Variants in ZNF280B observed in about 807,000 individuals in gnomAD.
ZNF280B encodes the protein suppressor of hairy wing homolog 2.
ZNF280B carries 16 observed loss-of-function variants against 38.0 expected under a neutral mutation model. The observed-to-expected ratio is 0.42, with a 90% confidence interval of 0.28 to 0.64. The LOEUF is 0.64. ZNF280B is among the 30% of genes least tolerant of loss of function. The pLI is 0.21. For synonymous variants in ZNF280B, 253 were observed against 230.6 expected, an observed-to-expected ratio of 1.10 and a Z score of -0.88; for missense variants, 581 against 639.6, an observed-to-expected ratio of 0.91 and a Z score of 0.99.
In ZNF280B at chr22:22,486,425, T is replaced by C. The variant is rs1443136229; in HGVS notation, c.*1342A>G. ...ACACCACTTGTTTGGCCCTTTTCAG[T>C]TAAAACTATGGGTCCAGTACAGTTC... On this transcript the variant is annotated 3_prime_UTR_variant, in exon 4 of 4. Transcript: ENST00000626650. The C allele has an allele frequency of 6.6e-6, 1 of 151,530 alleles. No individual in the cohort carries two copies. Among genetic ancestry groups the C allele is most frequent in the Non-Finnish European group, 1.5e-5 (1 of 68,028 alleles). The allele number at this position is 151,530 out of a possible 1,614,324, so 9.4% of individuals were successfully genotyped here. A position where few individuals can be genotyped will look rare whatever the true frequency, so the allele number is the denominator to read the frequency against.
Position 22,501,028 on chromosome 22 carries a change from A to ACAAAAC in ZNF280B, c.-187+6781_-187+6782insGTTTTG, listed in dbSNP as rs1349872518. Among the ~76,000 whole-genome samples, 8 of 110,426 alleles carry ACAAAAC rather than the reference A, an allele frequency of 7.2e-5. 1 individual carries two copies. The highest frequency in any genetic ancestry group is 1.2e-4 in the African/African-American group (3 of 25,262). 72.4% of individuals were successfully genotyped at this position (110,426 alleles called of 152,430 possible). ...CACCAAGACTCCGTCTCAAAAAAAA[A>ACAAAAC]AAAAAAAAAAAAACAAAAAACCAAA... On this transcript the variant is annotated intron_variant, in intron 2 of 3. Transcript: ENST00000626650.
chr22:22,497,248 A>T (rs1163163219), intron 2 of ZNF280B, among the ~76,000 whole-genome samples: 1 of 112,988 alleles, frequency 8.9e-6, no homozygotes, highest in Non-Finnish European at 1.8e-5. Context: ...AAAAAAAAAA[A>T]GGCCAGGCAC....
rs1009991786 is a variant in ZNF280B, at chr22:22,486,099, GGT to G, written c.*1666_*1667del. 2.0e-5 allele frequency: 3 copies of G among 151,976 alleles called. No individual in the cohort carries two copies. The highest frequency in any genetic ancestry group is 7.2e-5 in the African/African-American group (3 of 41,394). 9.4% of individuals were successfully genotyped at this position (151,976 alleles called of 1,614,324 possible). ...ATTAGAGAGACATTTCTTGCACACT[GGT>G]GTGTGTCAGGTAAGACCCAAACAGC... is the stretch of plus-strand genomic sequence containing the variant. On this transcript the variant is annotated 3_prime_UTR_variant, in exon 4 of 4. Coordinates refer to ENST00000626650, the MANE Select transcript of ZNF280B (RefSeq NM_080764.4).
intron 2 of ZNF280B, among the ~76,000 whole-genome samples, chr22:22,497,356 C>G (rs925084247): frequency 6.7e-6 from 1 of 148,418 alleles, no homozygotes; most frequent in African/African-American, 2.5e-5. Flanking sequence ...CATGGTGAAA[C>G]TCCATCTCTA....
At position 22,488,481 on chromosome 22, in the gene ZNF280B, G is replaced by C; in HGVS notation, c.918C>G (p.Thr306=). ...EGQPEQKTHT[T]FKCLSCVKVL... is the part of the protein sequence containing the mutation. Reference sequence around the variant, plus strand: ...CTTTCACGCAGCTGAGGCATTTAAAGGTGGTGTGAGTCTTCTGTTCCGGCT... The same window carrying C: ...CTTTCACGCAGCTGAGGCATTTAAACGTGGTGTGAGTCTTCTGTTCCGGCT... The change falls in exon 4 of 4, where the codon ACC becomes ACG. Residue 306 remains threonine (T), a synonymous_variant. Coordinates refer to ENST00000626650, the MANE Select transcript of ZNF280B (RefSeq NM_080764.4). 1 of 1,613,882 alleles carries C rather than the reference G, an allele frequency of 6.2e-7. No homozygotes were observed. Among genetic ancestry groups the C allele is most frequent in the Admixed American group, 1.7e-5 (1 of 59,980 alleles).
chr22:22,488,186 A>G lies in ZNF280B; in HGVS notation c.1213T>C (p.Cys405Arg). 1.2e-6 allele frequency: 2 copies of G among 1,613,928 alleles called. No homozygotes were observed. Among genetic ancestry groups the G allele is most frequent in the Non-Finnish European group, 1.7e-6 (2 of 1,179,978 alleles). Residue 405 changes from cysteine to arginine, a missense_variant, in exon 4 of 4, where the codon TGC becomes CGC. Physicochemically the swap from Cys to Arg is radical, Grantham distance 180. Transcript: ENST00000626650. Reference protein sequence around the residue: ...HHKPGEMPYVCQVCHYRSSVF... With the variant: ...HHKPGEMPYVRQVCHYRSSVF... ...GACGATCTATAATGGCAAACCTGGC[A>G]CACATAGGGCATTTCGCCAGGCTTA...
In ZNF280B at chr22:22,488,886, T is replaced by A. The variant is rs752373227; in HGVS notation, c.513A>T (p.Val171=). 1.2e-6 allele frequency: 2 copies of A among 1,613,756 alleles called. No homozygotes were observed. The highest frequency in any genetic ancestry group is 1.7e-6 in the Non-Finnish European group (2 of 1,179,978). The change falls in exon 4 of 4, where the codon GTA becomes GTT. Residue 171 remains valine (V), a synonymous_variant. Coordinates refer to ENST00000626650, the MANE Select transcript of ZNF280B (RefSeq NM_080764.4). ...CTTCGAAAGTGGAAAGTTGCTTTGA[T>A]ACACGAGGACTTTCATTTATACCTC... ...SVGGINESPR[V]SKQLSTFEVN... is the part of the protein sequence containing the mutation.
intron 2 of ZNF280B, 85 bp downstream of exon 2, chr22:22,507,725 T>C (rs2061968511): frequency 1.3e-5 from 2 of 151,874 alleles, no homozygotes; most frequent in South Asian, 4.2e-4. Flanking sequence ...ACAGCTATGT[T>C]TCAGCAAAGG....
In ZNF280B at chr22:22,487,712, A is replaced by T; in HGVS notation, c.*55T>A. 1.4e-6 allele frequency: 2 copies of T among 1,458,756 alleles called. No individual in the cohort carries two copies. The highest frequency in any genetic ancestry group is 1.8e-6 in the Non-Finnish European group (2 of 1,087,418). 90.4% of individuals were successfully genotyped at this position (1,458,756 alleles called of 1,614,324 possible). A position where few individuals can be genotyped will look rare whatever the true frequency, so the allele number is the denominator to read the frequency against. ...ATGTATGGTTTGTATTTTTTGTTTT[A>T]TGAGGTTTTTTAATTTGGTTTGAAA... On this transcript the variant is annotated 3_prime_UTR_variant, in exon 4 of 4. Transcript: ENST00000626650.
intron 2 of ZNF280B, among the ~76,000 whole-genome samples, chr22:22,503,798 T>G (rs2061875968): frequency 1.3e-5 from 2 of 151,944 alleles, no homozygotes; most frequent in African/African-American, 4.8e-5. Flanking sequence ...GATGATAAAT[T>G]ACATAGTCAA....
chr22:22,507,771 C>A (rs1264128090), intron 2 of ZNF280B, 39 bp downstream of exon 2: 1 of 151,912 alleles, frequency 6.6e-6, no homozygotes. Context: ...GACGAAAATA[C>A]AACTTTGGTC....
chr22:22,497,455 C>T (rs2061725115), intron 2 of ZNF280B, among the ~76,000 whole-genome samples: 2 of 151,380 alleles, frequency 1.3e-5, no homozygotes, highest in African/African-American at 2.4e-5. Context: ...CAATTGAACC[C>T]GGGAGGCGGA....
At position 22,504,437 on chromosome 22, in the gene ZNF280B, A is replaced by C. The variant is rs1367596755; in HGVS notation, c.-187+3373T>G. ...GCAAGACTCCGTCTGAAAAAAAAAAAAAACAAACAAACAACTTGTGCCCAC... is the reference window on the plus strand; with the variant it reads ...GCAAGACTCCGTCTGAAAAAAAAAACAAACAAACAAACAACTTGTGCCCAC... On this transcript the variant is annotated intron_variant, in intron 2 of 3. Coordinates refer to ENST00000626650, the MANE Select transcript of ZNF280B (RefSeq NM_080764.4). 1.2e-3 allele frequency among the ~76,000 whole-genome samples: 187 copies of C among 151,916 alleles called. 3 individuals carry two copies. Among genetic ancestry groups the C allele is most frequent in the South Asian group, 1.9e-3 (9 of 4,816 alleles).
intron 2 of ZNF280B, among the ~76,000 whole-genome samples, chr22:22,504,242 A>T (rs2061886448): frequency 6.6e-6 from 1 of 151,790 alleles, no homozygotes; most frequent in South Asian, 2.1e-4. Flanking sequence ...GACCAGCCTG[A>T]ACAACATGGT....
At chr22:22,508,128 G>C (rs1346048311) in intron 1 of ZNF280B, among the ~76,000 whole-genome samples, 1 of 151,906 alleles carries the variant, frequency 6.6e-6, no homozygotes, top group Non-Finnish European at 1.5e-5. Flanking sequence ...GACTCCATTA[G>C]GGTCCCAGGG....
chr22:22,488,676 CT>C lies in ZNF280B; in HGVS notation c.722del (p.Lys241ArgfsTer9). On this transcript the variant is annotated frameshift_variant, in exon 4 of 4. Transcript: ENST00000626650. LOFTEE classifies it high-confidence loss of function. The part of the protein sequence containing the change: ...NGAPFPAAFP[K>X]DNIHFKPINT... The stretch of plus-strand genomic sequence containing the variant: ...TTATAGGCTTGAAATGGATATTGTC[CT>C]TTGGAAAAGCTGCTGGAAAAGGTGC... 6.2e-7 allele frequency: 1 copy of C among 1,613,814 alleles called. No homozygotes were observed.
At position 22,486,636 on chromosome 22, in the gene ZNF280B, T is replaced by C. The variant is rs2061505667; in HGVS notation, c.*1131A>G. 6.6e-6 allele frequency: 1 copy of C among 152,068 alleles called. No individual in the cohort carries two copies. The highest frequency in any genetic ancestry group is 1.5e-5 in the Non-Finnish European group (1 of 68,028). 9.4% of individuals were successfully genotyped at this position (152,068 alleles called of 1,614,324 possible). A position where few individuals can be genotyped will look rare whatever the true frequency, so the allele number is the denominator to read the frequency against. ...CCAGGCACCATTCTATTAATTTTATTGCTATTTCACCTCAAACCAATGATA... is the reference window on the plus strand; with the variant it reads ...CCAGGCACCATTCTATTAATTTTATCGCTATTTCACCTCAAACCAATGATA... On this transcript the variant is annotated 3_prime_UTR_variant, in exon 4 of 4. Coordinates refer to ENST00000626650, the MANE Select transcript of ZNF280B (RefSeq NM_080764.4).
chr22:22,507,559 T>TC (rs1176737500), intron 2 of ZNF280B, among the ~76,000 whole-genome samples: 1 of 151,806 alleles, frequency 6.6e-6, no homozygotes, highest in Non-Finnish European at 1.5e-5. Flanking sequence ...ATGCTCTTTT[T>TC]TTTTTTTTCA....
At chr22:22,494,514 T>C (rs2061656879) in intron 2 of ZNF280B, among the ~76,000 whole-genome samples, 1 of 151,920 alleles carries the variant, frequency 6.6e-6, no homozygotes, top group Admixed American at 6.6e-5. Flanking sequence ...GAATGCTTAT[T>C]TTCCAATTTG....
Sources: allele counts gnomAD v4.1 joint callset (sites outside exome capture counted in the v4.1 genomes callset), GRCh38; gene constraint gnomAD v4.1.1; transcripts MANE v1.5; gene names NCBI Gene and HGNC (gene_info 2026-07-23, HGNC 2026-07-21).